Variants in MPDZ observed in about 807,000 individuals in gnomAD.
MPDZ encodes the protein multiple PDZ domain protein.
Under a neutral mutation model 239.1 loss-of-function variants are expected in MPDZ, and 234 were observed. That is an observed-to-expected ratio of 0.98 (90% CI 0.88 to 1.09). The LOEUF (loss-of-function observed/expected upper bound fraction) is 1.09. Among genes scored for constraint, MPDZ ranks in the 50% least tolerant of loss-of-function variants. MPDZ has a pLI of 0.00. For synonymous variants in MPDZ, 1,048 were observed against 881.3 expected (o/e 1.19, Z -3.35); for missense variants, 3,175 against 2,510.0 (o/e 1.26, Z -5.66).
rs1445705356 is a variant in MPDZ, at chr9:13,175,774, T to C, written c.3033A>G (p.Ile1011Met). Residue 1011 changes from isoleucine (I) to methionine (M), a missense_variant, in exon 21 of 47, where the codon ATA becomes ATG. Physicochemically the swap from Ile to Met is conservative, Grantham distance 10 (BLOSUM62 1). Coordinates refer to ENST00000319217, the MANE Select transcript of MPDZ (RefSeq NM_001378778.1). Reference protein sequence around the residue: ...SKESFERTINIAKGNSSLGMT... With the variant: ...SKESFERTINMAKGNSSLGMT... Reference sequence around the variant, plus strand: ...TACCTAGGCTAGAATTGCCTTTTGCTATATTAATAGTCCTTTCAAAAGATT... The same window carrying C: ...TACCTAGGCTAGAATTGCCTTTTGCCATATTAATAGTCCTTTCAAAAGATT... 1 of 1,570,906 alleles carries C rather than the reference T, an allele frequency of 6.4e-7. No homozygotes were observed. Among genetic ancestry groups the C allele is most frequent in the Non-Finnish European group, 8.6e-7 (1 of 1,156,384 alleles).
At position 13,239,473 on chromosome 9, in the gene MPDZ, G is replaced by A. The variant is rs150799864; in HGVS notation, c.183+8162C>T. Among the ~76,000 whole-genome samples, 129 of 152,198 alleles carry A rather than the reference G, an allele frequency of 8.5e-4. No individual in the cohort carries two copies. The East Asian group carries it at 0.022, about 26-fold the overall frequency. Reference sequence around the variant, plus strand: ...GAACTAGAACAGTTCTGGGCACACAGTAAGACTTTATGCTATGATAATTGC... The same window carrying A: ...GAACTAGAACAGTTCTGGGCACACAATAAGACTTTATGCTATGATAATTGC... On this transcript the variant is annotated intron_variant, in intron 3 of 46. Transcript: ENST00000319217.
intron 7 of MPDZ, 115 bp from the exon 8 acceptor site, chr9:13,219,883 CATAAA>C: frequency 2.0e-6 from 2 of 990,548 alleles, no homozygotes; most frequent in Non-Finnish European, 3.0e-6. Flanking sequence ...CCAATCAGGA[CATAAA>C]ATAAAACACA....
chr9:13,118,114 G>A (rs1191673113), intron 39 of MPDZ, among the ~76,000 whole-genome samples: 2 of 152,140 alleles, frequency 1.3e-5, no homozygotes, highest in East Asian at 3.8e-4. Flanking sequence ...AAAGTGTTGG[G>A]ATTACAGGCA....
intron 23 of MPDZ, among the ~76,000 whole-genome samples, chr9:13,160,438 A>G (rs1384415467): frequency 6.6e-6 from 1 of 152,124 alleles, no homozygotes; most frequent in Non-Finnish European, 1.5e-5. Context: ...TGGAGGAAGC[A>G]CAGTGCTCAA....
intron 21 of MPDZ, among the ~76,000 whole-genome samples, chr9:13,171,508 G>A (rs373738123): frequency 2.0e-5 from 3 of 152,224 alleles, no homozygotes; most frequent in African/African-American, 7.2e-5. Context: ...TCAGTGAAGG[G>A]AAGATAAAGA....
chr9:13,140,208 A>C, intron 27 of MPDZ, 59 bp from the exon 28 acceptor site: 3 of 1,533,718 alleles, frequency 2.0e-6, no homozygotes, highest in Non-Finnish European at 2.6e-6. Flanking sequence ...AACTTCAAGA[A>C]GAAGAAATAA....
chr9:13,133,879 T>C lies in MPDZ; in HGVS notation c.4409A>G (p.Asp1470Gly), dbSNP rs193284839. 48 of 1,595,354 alleles carry C rather than the reference T, an allele frequency of 3.0e-5. No homozygotes were observed. In the East Asian group the frequency reaches 8.6e-4, roughly 29 times the overall value. ...AAATGAACTGAGGTCCACAGCTGCATCAGAAGTAGTAACAGTTGGCTCTGT... is the reference window on the plus strand; with the variant it reads ...AAATGAACTGAGGTCCACAGCTGCACCAGAAGTAGTAACAGTTGGCTCTGT... ...KETEPTVTTS[D>G]AAVDLSSFKN... Residue 1470 changes from aspartate to glycine, a missense_variant, in exon 32 of 47, where the codon GAT (aspartate) becomes GGT (glycine). Physicochemically the swap from Asp to Gly is moderately conservative, Grantham distance 94. Transcript: ENST00000319217.
chr9:13,158,148 TAG>T, intron 23 of MPDZ, 38 bp from the exon 24 acceptor site: 1 of 1,531,652 alleles, frequency 6.5e-7, no homozygotes, highest in Admixed American at 1.7e-5. Flanking sequence ...CCCAAAATCC[TAG>T]TAAAAACATG....
intron 46 of MPDZ, 150 bp from the exon 47 acceptor site, chr9:13,107,261 A>G: frequency 1.3e-6 from 1 of 765,460 alleles, no homozygotes; most frequent in Non-Finnish European, 2.0e-6. Flanking sequence ...CCATTAAGCA[A>G]TGATGAACAT....
chr9:13,200,898 G>A (rs1039651685), intron 12 of MPDZ, among the ~76,000 whole-genome samples: 4 of 151,848 alleles, frequency 2.6e-5, no homozygotes, highest in Admixed American at 6.6e-5. Flanking sequence ...GCTGTTGGAC[G>A]GAACGTTCTG....
rs757936023 is a variant in MPDZ at position 13,119,504 on chromosome 9, T to G, written c.5377A>C (p.Lys1793Gln). Residue 1793 changes from lysine to glutamine, a missense_variant and splice_region_variant, in exon 39 of 47, where the codon AAG becomes CAG. By Grantham distance (53) the Lys-to-Gln change is moderately conservative (BLOSUM62 1). Transcript: ENST00000319217. ...ATQEAVAALL[K>Q]CSLGTVTLEV... ...GAATTATTTTTTGCATTTTTTACCTTTAGCAAAGCGGCAACCGCTTCTTGG... is the reference window on the plus strand; with the variant it reads ...GAATTATTTTTTGCATTTTTTACCTGTAGCAAAGCGGCAACCGCTTCTTGG... 7 of 1,608,258 alleles carry G rather than the reference T, an allele frequency of 4.4e-6. No individual in the cohort carries two copies. The South Asian group carries it at 7.8e-5, about 18-fold the overall frequency.
chr9:13,162,200 G>C (rs1420351144), intron 23 of MPDZ, among the ~76,000 whole-genome samples: 2 of 151,678 alleles, frequency 1.3e-5, no homozygotes, highest in Non-Finnish European at 2.9e-5. Context: ...GGAGGTAGAG[G>C]CTGCAGTTAA....
intron 35 of MPDZ, among the ~76,000 whole-genome samples, chr9:13,124,114 C>G (rs1384778531): frequency 6.6e-6 from 1 of 152,136 alleles, no homozygotes; most frequent in Non-Finnish European, 1.5e-5. Flanking sequence ...ACAAGATGTT[C>G]TCTTTTTAGG....
At chr9:13,213,489 G>T (rs1957893888) in intron 10 of MPDZ, among the ~76,000 whole-genome samples, 1 of 152,070 alleles carries the variant, frequency 6.6e-6, no homozygotes, top group South Asian at 2.1e-4. Flanking sequence ...CTGCAGTTGT[G>T]AAAATGCAAC....
At chr9:13,262,997 A>T (rs950340222) in intron 1 of MPDZ, among the ~76,000 whole-genome samples, 1 of 152,184 alleles carries the variant, frequency 6.6e-6, no homozygotes, top group South Asian at 2.1e-4. Context: ...ATACGGGGGG[A>T]CTCAATGGGG....
chr9:13,249,889 T>C (rs778032461), intron 2 of MPDZ, among the ~76,000 whole-genome samples: 1 of 152,150 alleles, frequency 6.6e-6, no homozygotes, highest in Non-Finnish European at 1.5e-5. Context: ...TCTTTATCAA[T>C]TAATAGCAAG....
chr9:13,216,297 G>GT lies in MPDZ; in HGVS notation c.1290+476dup, dbSNP rs760415670. On this transcript the variant is annotated intron_variant, in intron 10 of 46. Transcript: ENST00000319217. Reference sequence around the variant, plus strand: ...GCTTGAACTAATTACAAGAAGCTAGGTTTTTTTTTTTTCATTCTTATATAT... The same window carrying GT: ...GCTTGAACTAATTACAAGAAGCTAGGTTTTTTTTTTTTTCATTCTTATATAT... Among the ~76,000 whole-genome samples the GT allele has an allele frequency of 8.8e-3, 1,240 of 140,940 alleles. 10 individuals carry two copies. Among genetic ancestry groups the GT allele is most frequent in the African/African-American group, 0.01 (389 of 38,688 alleles). 92.5% of individuals were successfully genotyped at this position (140,940 alleles called of 152,430 possible). A position where few individuals can be genotyped will look rare whatever the true frequency, so the allele number is the denominator to read the frequency against.
intron 12 of MPDZ, among the ~76,000 whole-genome samples, chr9:13,199,060 T>C (rs1198172544): frequency 6.6e-6 from 1 of 151,998 alleles, no homozygotes; most frequent in Non-Finnish European, 1.5e-5. Flanking sequence ...GCCATTGGTA[T>C]ATTCATAGGT....
chr9:13,121,979 G>A, intron 37 of MPDZ, 47 bp from the exon 38 acceptor site: 1 of 1,600,686 alleles, frequency 6.2e-7, no homozygotes, highest in Non-Finnish European at 8.5e-7. Flanking sequence ...AGAAGTAAAG[G>A]AGAGTTAGGT....
Sources: allele counts gnomAD v4.1 joint callset (sites outside exome capture counted in the v4.1 genomes callset), GRCh38; gene constraint gnomAD v4.1.1; transcripts MANE v1.5; gene names NCBI Gene and HGNC (gene_info 2026-07-23, HGNC 2026-07-21).